Variants in CHST9 observed in about 807,000 individuals in gnomAD.
The protein encoded by CHST9 is carbohydrate sulfotransferase 9.
CHST9 carries 41 observed loss-of-function variants against 44.4 expected under a neutral mutation model. The ratio of observed to expected loss-of-function variants is 0.92; its 90% CI spans 0.72 to 1.20. The LOEUF (loss-of-function observed/expected upper bound fraction) is 1.20, where lower values mean the gene tolerates loss of function less well. Among genes scored for constraint, CHST9 ranks in the 50% most tolerant of loss-of-function variants. CHST9 has a pLI of 0.00. For synonymous variants in CHST9, 171 were observed against 178.4 expected (o/e 0.96, Z 0.33); for missense variants, 504 against 516.5 (o/e 0.98, Z 0.23).
intron 2 of CHST9, among the ~76,000 whole-genome samples, chr18:27,090,829 T>C (rs2058061053): frequency 6.6e-6 from 1 of 152,234 alleles, no homozygotes; most frequent in Admixed American, 6.5e-5. Context: ...ACCAGTACCA[T>C]GCTGTTTTGG....
At chr18:26,992,411 C>T (rs377016532) in intron 4 of CHST9, among the ~76,000 whole-genome samples, 32 of 152,128 alleles carry the variant, frequency 2.1e-4, no homozygotes, top group African/African-American at 6.3e-4. Flanking sequence ...CTGAGCCTAG[C>T]GCAGTTCCTG....
At chr18:27,061,978 A>G (rs906224350) in intron 2 of CHST9, among the ~76,000 whole-genome samples, 4 of 152,142 alleles carry the variant, frequency 2.6e-5, no homozygotes, top group African/African-American at 9.7e-5. Context: ...ATCATTTCTC[A>G]TGACCAATGT....
intron 4 of CHST9, among the ~76,000 whole-genome samples, chr18:26,980,973 C>T (rs2145190987): frequency 6.6e-6 from 1 of 152,262 alleles, no homozygotes; most frequent in South Asian, 2.1e-4. Context: ...TTTTCTTCAA[C>T]ATGCTGATCA....
chr18:27,125,034 A>G (rs1421462177), intron 2 of CHST9, among the ~76,000 whole-genome samples: 1 of 152,176 alleles, frequency 6.6e-6, no homozygotes, highest in African/African-American at 2.4e-5. Context: ...CTGTTACTAG[A>G]CATTCTTTGG....
chr18:26,952,525 G>T, intron 4 of CHST9: 2 of 459,560 alleles, frequency 4.4e-6, no homozygotes, highest in South Asian at 1.8e-5. Flanking sequence ...AGCAGCACTT[G>T]GTACCTGGGT....
At chr18:27,158,210 C>T (rs1158410714) in intron 1 of CHST9, among the ~76,000 whole-genome samples, 2 of 152,140 alleles carry the variant, frequency 1.3e-5, no homozygotes, top group African/African-American at 4.8e-5. Context: ...CCCATCAACT[C>T]ATCATTTAAC....
At chr18:26,973,154 C>T (rs1283243140) in intron 4 of CHST9, among the ~76,000 whole-genome samples, 1 of 152,150 alleles carries the variant, frequency 6.6e-6, no homozygotes, top group African/African-American at 2.4e-5. Context: ...CTCACCACTC[C>T]CTGTATTTCC....
chr18:27,062,385 C>T (rs573467638), intron 2 of CHST9, among the ~76,000 whole-genome samples: 1 of 151,138 alleles, frequency 6.6e-6, no homozygotes, highest in African/African-American at 2.4e-5. Context: ...TTGTTCAATT[C>T]CCACCTATGA....
intron 2 of CHST9, among the ~76,000 whole-genome samples, chr18:27,087,524 G>C (rs1313607006): frequency 6.6e-6 from 1 of 151,984 alleles, no homozygotes; most frequent in East Asian, 1.9e-4. Context: ...TTTTAATAAG[G>C]AAAGTGTACC....
intron 2 of CHST9, among the ~76,000 whole-genome samples, chr18:27,137,320 G>A (rs371448370): frequency 0.38 from 51,012 of 134,436 alleles, 9,428 homozygotes; most frequent in Non-Finnish European, 0.43. Flanking sequence ...GTGTGTGTGT[G>A]TGTGTGTGTG....
chr18:26,979,633 T>C (rs2056667420), intron 4 of CHST9, among the ~76,000 whole-genome samples: 1 of 152,150 alleles, frequency 6.6e-6, no homozygotes, highest in African/African-American at 2.4e-5. Context: ...TAAGAGTTAA[T>C]TTAATTGTCT....
At chr18:27,106,195 A>C (rs1044795248) in intron 2 of CHST9, among the ~76,000 whole-genome samples, 2 of 152,102 alleles carry the variant, frequency 1.3e-5, no homozygotes, top group East Asian at 3.9e-4. Flanking sequence ...CATCATCCAG[A>C]CCATTAATTG....
intron 1 of CHST9, among the ~76,000 whole-genome samples, chr18:27,160,086 T>C (rs898635857): frequency 2.6e-5 from 4 of 152,204 alleles, no homozygotes; most frequent in South Asian, 2.1e-4. Flanking sequence ...CTTTTCCTAA[T>C]TGAATACCCT....
chr18:26,933,396 CAT>C (rs1185555209), intron 5 of CHST9, among the ~76,000 whole-genome samples: 1 of 152,186 alleles, frequency 6.6e-6, no homozygotes, highest in Non-Finnish European at 1.5e-5. Flanking sequence ...TAATGCCTGA[CAT>C]GTAGTGTATA....
intron 2 of CHST9, among the ~76,000 whole-genome samples, chr18:27,119,123 T>A (rs2058353602): frequency 6.6e-6 from 1 of 152,148 alleles, no homozygotes; most frequent in Non-Finnish European, 1.5e-5. Flanking sequence ...GAGTTGCCAC[T>A]GGAAAAAAAT....
At chr18:27,144,127 C>T (rs1270314380) in intron 1 of CHST9, among the ~76,000 whole-genome samples, 2 of 152,124 alleles carry the variant, frequency 1.3e-5, no homozygotes, top group African/African-American at 2.4e-5. Flanking sequence ...GAAACCCTGG[C>T]TCAGTTCCTT....
Position 26,983,332 on chromosome 18 carries a change from T to C in CHST9, c.203-38966A>G, listed in dbSNP as rs573042846. On this transcript the variant is annotated intron_variant, in intron 4 of 5. Transcript: ENST00000618847. ...TTCCCAATGTGGGAGATGGGACCTG[T>C]TGAGAGGAATTTGGGTCAGAGGGGT... Among the ~76,000 whole-genome samples, 3 of 152,288 alleles carry C rather than the reference T, an allele frequency of 2.0e-5. No individual in the cohort carries two copies. The East Asian group carries it at 5.8e-4, about 29-fold the overall frequency.
chr18:27,135,372 G>C (rs1315095702), intron 2 of CHST9, among the ~76,000 whole-genome samples: 3 of 152,098 alleles, frequency 2.0e-5, no homozygotes, highest in African/African-American at 7.2e-5. Context: ...ATTTCACTTT[G>C]TTGGTCTCAC....
Position 26,909,480 on chromosome 18 carries a change from A to G in CHST9, c.*6779T>C, listed in dbSNP as rs2055411551. On this transcript the variant is annotated 3_prime_UTR_variant, in exon 6 of 6. Transcript: ENST00000618847. ...CGTCCATACACTATTTTTTTCAGAAATTGATAAGTTAAATCAGGGCTTATT... is the reference window on the plus strand; with the variant it reads ...CGTCCATACACTATTTTTTTCAGAAGTTGATAAGTTAAATCAGGGCTTATT... 6.6e-6 allele frequency: 1 copy of G among 152,184 alleles called. No homozygotes were observed. The highest frequency in any genetic ancestry group is 1.5e-5 in the Non-Finnish European group (1 of 68,030). The allele number at this position is 152,184 out of a possible 1,614,324, so 9.4% of individuals were successfully genotyped here. A position where few individuals can be genotyped will look rare whatever the true frequency, so the allele number is the denominator to read the frequency against.
Sources: gnomAD v4.1 joint callset for allele counts (sites outside exome capture counted in the v4.1 genomes callset) on GRCh38, gnomAD v4.1.1 for gene constraint, MANE v1.5 for transcripts, NCBI Gene and HGNC (gene_info 2026-07-23, HGNC 2026-07-21) for gene names.